Variants in FNDC3A observed in about 807,000 individuals in gnomAD.
FNDC3A encodes fibronectin type-III domain-containing protein 3A.
FNDC3A carries 32 observed loss-of-function variants against 148.9 expected under a neutral mutation model. The ratio of observed to expected loss-of-function variants is 0.21; its 90% CI spans 0.16 to 0.29. FNDC3A has a LOEUF of 0.29. FNDC3A is among the 10% of genes least tolerant of loss of function. FNDC3A has a pLI of 1.00. For synonymous variants in FNDC3A, 472 were observed against 473.6 expected (o/e 1.00, Z 0.04); for missense variants, 1,191 against 1,452.8 (o/e 0.82, Z 2.93).
intron 1 of FNDC3A, among the ~76,000 whole-genome samples, chr13:48,999,139 C>T (rs1051535555): frequency 2.0e-5 from 3 of 152,094 alleles, no homozygotes; most frequent in Non-Finnish European, 4.4e-5. Context: ...GGTCAGGGCT[C>T]CACCAAGCGG....
In FNDC3A at chr13:49,138,757, A is replaced by G; in HGVS notation, c.771A>G (p.Glu257=). 1 of 1,479,136 alleles carries G rather than the reference A, an allele frequency of 6.8e-7. No individual in the cohort carries two copies. Among genetic ancestry groups the G allele is most frequent in the South Asian group, 1.3e-5 (1 of 77,176 alleles). The allele number at this position is 1,479,136 out of a possible 1,614,324, so 91.6% of individuals were successfully genotyped here. ...TTTTATTTTTTTAAGAAAAAGATGA[A>G]GAAACTAAAGCATTTGAAGCACTTC... The part of the protein sequence containing the change: ...QVDTEIEEKD[E]ETKAFEALLS... The change falls in exon 7 of 26, where the codon GAA becomes GAG. Residue 257 remains glutamate, a synonymous_variant. Coordinates refer to ENST00000492622, the MANE Select transcript of FNDC3A (RefSeq NM_001079673.2).
At chr13:49,160,974 G>T (rs1016288563) in intron 8 of FNDC3A, among the ~76,000 whole-genome samples, 4 of 152,144 alleles carry the variant, frequency 2.6e-5, no homozygotes, top group Non-Finnish European at 5.9e-5. Context: ...ATTGCACTGT[G>T]GTCTGAGAGA....
At chr13:49,023,692 TA>T (rs902778388) in intron 2 of FNDC3A, among the ~76,000 whole-genome samples, 17 of 151,934 alleles carry the variant, frequency 1.1e-4, no homozygotes, top group African/African-American at 3.9e-4. Flanking sequence ...AACTTTTAAG[TA>T]ATATAGTTTG....
chr13:49,109,001 C>T (rs1418806540), intron 3 of FNDC3A, among the ~76,000 whole-genome samples: 1 of 152,184 alleles, frequency 6.6e-6, no homozygotes, highest in African/African-American at 2.4e-5. Flanking sequence ...GGCCTTTGAA[C>T]ATAGTTTACA....
chr13:49,083,123 A>G (rs551510478), intron 3 of FNDC3A, among the ~76,000 whole-genome samples: 73 of 152,280 alleles, frequency 4.8e-4, no homozygotes, highest in Admixed American at 7.2e-4. Flanking sequence ...CTCCTCCACT[A>G]AGAACTCAGT....
Position 49,114,684 on chromosome 13 carries a change from A to C in FNDC3A, c.205A>C (p.Asn69His). 1 of 1,613,404 alleles carries C rather than the reference A, an allele frequency of 6.2e-7. No individual in the cohort carries two copies. The highest frequency in any genetic ancestry group is 8.5e-7 in the Non-Finnish European group (1 of 1,179,370). ...GPAQVPMMSP[N>H]GSVPPIYVPP... ...TGCTCAGGTTCCAATGATGTCCCCAAATGGTTCTGTGCCTCCTATCTATGT... is the reference window on the plus strand; with the variant it reads ...TGCTCAGGTTCCAATGATGTCCCCACATGGTTCTGTGCCTCCTATCTATGT... Residue 69 changes from asparagine to histidine, a missense_variant, in exon 4 of 26, where the codon AAT becomes CAT. By Grantham distance (68) the Asn-to-His change is moderately conservative. Around this residue, in one of 3 missense-constraint regions of FNDC3A, gnomAD observed 426 missense variants for 473.2 expected, o/e 0.90. Coordinates refer to ENST00000492622, the MANE Select transcript of FNDC3A (RefSeq NM_001079673.2).
intron 6 of FNDC3A, among the ~76,000 whole-genome samples, chr13:49,138,396 G>A (rs1030641360): frequency 2.0e-5 from 3 of 152,008 alleles, no homozygotes; most frequent in Non-Finnish European, 2.9e-5. Context: ...TTATTAAGAG[G>A]TATGAGATTG....
At chr13:49,146,842 A>T (rs926650436) in intron 8 of FNDC3A, 2 of 152,262 alleles carry the variant, frequency 1.3e-5, no homozygotes, top group Non-Finnish European at 2.9e-5. Context: ...TATTCTGTCC[A>T]TATTCATATA....
intron 2 of FNDC3A, among the ~76,000 whole-genome samples, chr13:49,013,556 ATGTACACGTGTATACATG>A (rs1280674154): frequency 1.3e-5 from 2 of 151,604 alleles, no homozygotes; most frequent in African/African-American, 4.8e-5. Flanking sequence ...GTGTATACAT[ATGTACACGTGTATACATG>A]TACATGTGTA....
At chr13:49,110,683 A>T (rs1357395169) in intron 3 of FNDC3A, among the ~76,000 whole-genome samples, 1 of 152,220 alleles carries the variant, frequency 6.6e-6, no homozygotes, top group Admixed American at 6.5e-5. Flanking sequence ...TTTGGAAGCC[A>T]TTGTGAACGC....
intron 17 of FNDC3A, 135 bp downstream of exon 17, chr13:49,188,768 T>C (rs1885724887): frequency 1.5e-6 from 1 of 667,192 alleles, no homozygotes; most frequent in African/African-American, 1.8e-5. Context: ...GTTGGGTTAA[T>C]TTGATAGTGA....
chr13:48,978,513 GT>G (rs949466866), intron 1 of FNDC3A, among the ~76,000 whole-genome samples: 14 of 146,662 alleles, frequency 9.5e-5, no homozygotes, highest in African/African-American at 2.5e-4. Context: ...AACCAAAAAC[GT>G]TTTTTTTTTG....
intron 1 of FNDC3A, among the ~76,000 whole-genome samples, chr13:48,996,128 C>A (rs900927161): frequency 3.3e-5 from 5 of 152,008 alleles, no homozygotes; most frequent in African/African-American, 1.2e-4. Flanking sequence ...TATGGCTCTT[C>A]AAGACTATTA....
chr13:49,019,371 GC>G (rs1178477592), intron 2 of FNDC3A, among the ~76,000 whole-genome samples: 4 of 152,232 alleles, frequency 2.6e-5, no homozygotes, highest in Non-Finnish European at 2.9e-5. Flanking sequence ...TTTTCCAGGT[GC>G]CGTCTGTCAC....
intron 8 of FNDC3A, among the ~76,000 whole-genome samples, chr13:49,147,780 T>C (rs568589615): frequency 1.3e-5 from 2 of 152,040 alleles, no homozygotes; most frequent in South Asian, 4.2e-4. Flanking sequence ...ATGATATTTC[T>C]ATTTTTAATT....
At chr13:49,138,296 A>G (rs764943454) in intron 6 of FNDC3A, among the ~76,000 whole-genome samples, 6 of 152,152 alleles carry the variant, frequency 3.9e-5, no homozygotes, top group Non-Finnish European at 5.9e-5. Context: ...TTTTTTGCCT[A>G]TCAGTGGTGG....
At chr13:49,039,157 G>A (rs1874729942) in intron 2 of FNDC3A, among the ~76,000 whole-genome samples, 1 of 151,874 alleles carries the variant, frequency 6.6e-6, no homozygotes, top group African/African-American at 2.4e-5. Flanking sequence ...TTGAAGTAGG[G>A]GACCAAGGAA....
At chr13:49,046,786 T>G (rs1471764895) in intron 2 of FNDC3A, 1 of 152,198 alleles carries the variant, frequency 6.6e-6, no homozygotes, top group Non-Finnish European at 1.5e-5. Flanking sequence ...GTCTACCCAG[T>G]CTTCCGCCTT....
At chr13:49,187,319 T>G in intron 16 of FNDC3A, 129 bp downstream of exon 16, 1 of 889,494 alleles carries the variant, frequency 1.1e-6, no homozygotes, top group South Asian at 1.6e-5. Context: ...AAAAAGATGT[T>G]CACTTCACTT....
Sources: allele counts gnomAD v4.1 joint callset (sites outside exome capture counted in the v4.1 genomes callset), GRCh38; gene constraint gnomAD v4.1.1; regional missense constraint gnomAD v4.1.1; transcripts MANE v1.5; gene names NCBI Gene and HGNC (gene_info 2026-07-23, HGNC 2026-07-21).